Variants in CCDC7 observed in about 807,000 individuals in gnomAD.
The protein encoded by CCDC7 is coiled-coil domain containing 7, also known as coiled-coil domain-containing protein 7.
In CCDC7, 183 loss-of-function variants were observed where a neutral mutation model predicts 196.9. The observed-to-expected ratio is 0.93, with a 90% CI of 0.82 to 1.05. The LOEUF (loss-of-function observed/expected upper bound fraction) is 1.05, where lower values mean the gene tolerates loss of function less well. CCDC7 is among the 50% of genes least tolerant of loss of function. The pLI, the probability that CCDC7 is intolerant of heterozygous loss-of-function variation, is 0.00. For synonymous variants in CCDC7, 525 were observed against 484.6 expected (o/e 1.08, Z -1.10); for missense variants, 1,540 against 1,482.2 (o/e 1.04, Z -0.64).
intron 20 of CCDC7, among the ~76,000 whole-genome samples, chr10:32,656,090 G>A (rs1207474537): frequency 2.0e-5 from 3 of 151,970 alleles, no homozygotes; most frequent in African/African-American, 7.3e-5. Context: ...TTTTGGGGTT[G>A]TATTAAAAAA....
At chr10:32,756,386 C>G (rs943846894) in intron 28 of CCDC7, among the ~76,000 whole-genome samples, 2 of 152,188 alleles carry the variant, frequency 1.3e-5, no homozygotes, top group African/African-American at 4.8e-5. Flanking sequence ...AAAGGGAAGG[C>G]CATCAGACTA....
At chr10:32,696,958 C>A (rs1463417506) in intron 24 of CCDC7, among the ~76,000 whole-genome samples, 3 of 152,154 alleles carry the variant, frequency 2.0e-5, no homozygotes, top group Admixed American at 6.5e-5. Context: ...ACAAAATTAA[C>A]ATTTTTTGCA....
At chr10:32,746,033 A>G (rs1377875585) in intron 28 of CCDC7, among the ~76,000 whole-genome samples, 1 of 152,132 alleles carries the variant, frequency 6.6e-6, no homozygotes, top group African/African-American at 2.4e-5. Context: ...ATAAAGGAAA[A>G]CAATTGACTT....
At chr10:32,687,107 A>G (rs534020196) in intron 22 of CCDC7, among the ~76,000 whole-genome samples, 1 of 152,326 alleles carries the variant, frequency 6.6e-6, no homozygotes, top group South Asian at 2.1e-4. Flanking sequence ...GTCAGGTCAT[A>G]TCAGTGTTCT....
chr10:32,473,976 A>C, exon 8 of CCDC7: 1 of 1,609,464 alleles, frequency 6.2e-7, no homozygotes, highest in Non-Finnish European at 8.5e-7. Flanking sequence ...GAATTCTTAG[A>C]AGCCCACTCA....
chr10:32,478,558 T>A (rs978271954), intron 8 of CCDC7, among the ~76,000 whole-genome samples: 1 of 152,168 alleles, frequency 6.6e-6, no homozygotes, highest in African/African-American at 2.4e-5. Flanking sequence ...GTTTTCTGCA[T>A]TTATTGATAT....
At chr10:32,615,655 T>A (rs901122753) in intron 18 of CCDC7, among the ~76,000 whole-genome samples, 1 of 152,176 alleles carries the variant, frequency 6.6e-6, no homozygotes, top group Non-Finnish European at 1.5e-5. Context: ...TTTCCTTTGC[T>A]GTACAGAAGC....
intron 9 of CCDC7, chr10:32,512,264 A>C (rs2046335330): frequency 6.5e-6 from 1 of 154,236 alleles, no homozygotes; most frequent in Non-Finnish European, 1.4e-5. Context: ...AATGTACATT[A>C]CCTGAATCAT....
At chr10:32,469,621 T>C (rs1330023628) in intron 5 of CCDC7, among the ~76,000 whole-genome samples, 2 of 152,160 alleles carry the variant, frequency 1.3e-5, no homozygotes, top group African/African-American at 4.8e-5. Context: ...AAAACTTCCC[T>C]AAGGGAGGCT....
chr10:32,807,826 G>A (rs767836753), intron 30 of CCDC7, among the ~76,000 whole-genome samples: 11 of 151,904 alleles, frequency 7.2e-5, no homozygotes, highest in Non-Finnish European at 1.2e-4. Context: ...TGCCTCCTGG[G>A]TTCAAGTGAT....
intron 28 of CCDC7, among the ~76,000 whole-genome samples, chr10:32,775,482 C>T (rs574017767): frequency 1.3e-5 from 2 of 152,192 alleles, no homozygotes; most frequent in East Asian, 1.9e-4. Flanking sequence ...AGTTTAAATA[C>T]CTATAGTAAC....
intron 28 of CCDC7, among the ~76,000 whole-genome samples, chr10:32,756,514 T>C (rs545575480): frequency 2.0e-5 from 3 of 152,112 alleles, no homozygotes; most frequent in African/African-American, 4.8e-5. Context: ...GCTTCATAAG[T>C]GAAGGAGAAA....
At chr10:32,836,410 C>T (rs1565660604) in intron 33 of CCDC7, among the ~76,000 whole-genome samples, 1 of 151,976 alleles carries the variant, frequency 6.6e-6, no homozygotes, top group East Asian at 1.9e-4. Context: ...CCAAAATATC[C>T]AGTTTTTATT....
chr10:32,544,682 T>A (rs2052118679), intron 13 of CCDC7, among the ~76,000 whole-genome samples: 1 of 152,168 alleles, frequency 6.6e-6, no homozygotes, highest in Non-Finnish European at 1.5e-5. Flanking sequence ...TTTTTCAAAA[T>A]TTTCATAACC....
upstream of CCDC7, among the ~76,000 whole-genome samples, chr10:32,449,293 T>A (rs1305869819): frequency 6.6e-6 from 1 of 152,084 alleles, no homozygotes; most frequent in Non-Finnish European, 1.5e-5. Flanking sequence ...TTCAAGCGAT[T>A]CTCCTGCCTC....
chr10:32,657,149 C>T (rs2140287798), intron 20 of CCDC7, among the ~76,000 whole-genome samples: 1 of 152,372 alleles, frequency 6.6e-6, no homozygotes, highest in South Asian at 2.1e-4. Flanking sequence ...GCCTTCACAG[C>T]TGGCCTTGAG....
intron 41 of CCDC7, among the ~76,000 whole-genome samples, chr10:32,863,038 G>A (rs1486621049): frequency 6.6e-6 from 1 of 152,022 alleles, no homozygotes; most frequent in African/African-American, 2.4e-5. Context: ...CAGTGTTCAT[G>A]GATGGGAATA....
chr10:32,595,200 G>A lies in CCDC7; in HGVS notation c.1801+10896G>A, dbSNP rs141740311. On this transcript the variant is annotated intron_variant, in intron 18 of 41. Transcript: ENST00000639629. ...GTCCTGGACTTTTTTGGTTGGTAAG[G>A]TATTAATTATTGCCTCAATTTCAGA... is the stretch of plus-strand genomic sequence containing the variant. Among the ~76,000 whole-genome samples the A allele has an allele frequency of 2.0e-5, 3 of 152,050 alleles. No individual in the cohort carries two copies. The East Asian group carries it at 5.8e-4, about 29-fold the overall frequency.
chr10:32,755,367 A>G (rs1400262267), intron 28 of CCDC7, among the ~76,000 whole-genome samples: 4 of 152,196 alleles, frequency 2.6e-5, no homozygotes. Flanking sequence ...GATACCTCCC[A>G]GTAGGGGCCG....
Sources: gnomAD v4.1 joint callset for allele counts (sites outside exome capture counted in the v4.1 genomes callset) on GRCh38, gnomAD v4.1.1 for gene constraint, MANE v1.5 for transcripts, NCBI Gene and HGNC (gene_info 2026-07-23, HGNC 2026-07-21) for gene names.